AGBL4: variants seen among roughly 807,000 people sequenced by gnomAD.
AGBL4 encodes the protein cytosolic carboxypeptidase 6.
AGBL4 carries 58 observed loss-of-function variants against 66.4 expected under a neutral mutation model. The ratio of observed to expected loss-of-function variants is 0.87; its 90% CI spans 0.71 to 1.09. The LOEUF is 1.09. AGBL4 is among the 50% of genes least tolerant of loss of function. The pLI is 0.00. For synonymous variants in AGBL4, 234 were observed against 222.9 expected (o/e 1.05, Z -0.44); for missense variants, 579 against 631.0 (o/e 0.92, Z 0.88).
intron 3 of AGBL4, among the ~76,000 whole-genome samples, chr1:49,336,980 A>T (rs1189165964): frequency 1.3e-5 from 2 of 152,222 alleles, no homozygotes; most frequent in South Asian, 2.1e-4. Context: ...TATGACTCTC[A>T]ATCTTGAGAT....
At chr1:49,218,669 G>C (rs1444793185) in intron 4 of AGBL4, among the ~76,000 whole-genome samples, 1 of 152,078 alleles carries the variant, frequency 6.6e-6, no homozygotes, top group African/African-American at 2.4e-5. Flanking sequence ...ACTAGATTAA[G>C]TTTAACTGTC....
At chr1:48,691,157 CAAA>C (rs35401645) in intron 6 of AGBL4, among the ~76,000 whole-genome samples, 1 of 84,286 alleles carries the variant, frequency 1.2e-5, no homozygotes. Context: ...GACTCCCTCT[CAAA>C]AAAAAAAAAA....
At chr1:49,103,311 G>A (rs934506602) in intron 4 of AGBL4, among the ~76,000 whole-genome samples, 7 of 152,146 alleles carry the variant, frequency 4.6e-5, no homozygotes, top group East Asian at 1.9e-4. Flanking sequence ...ACAGTCCTGC[G>A]AACATTTCCA....
chr1:49,838,966 A>G (rs72686758), intron 2 of AGBL4, among the ~76,000 whole-genome samples: 9 of 152,318 alleles, frequency 5.9e-5, no homozygotes, highest in Non-Finnish European at 1.2e-4. Flanking sequence ...TGTTTCTCAG[A>G]TTACTTGAAA....
chr1:48,796,363 C>G (rs1380629156), intron 6 of AGBL4, among the ~76,000 whole-genome samples: 1 of 152,196 alleles, frequency 6.6e-6, no homozygotes, highest in Non-Finnish European at 1.5e-5. Context: ...TCTCCAATAT[C>G]TAGCACAGTA....
chr1:49,796,967 C>A (rs1644744865), intron 2 of AGBL4, among the ~76,000 whole-genome samples: 1 of 152,028 alleles, frequency 6.6e-6, no homozygotes, highest in African/African-American at 2.4e-5. Context: ...AAGACTAGAT[C>A]TCACATGAAG....
At chr1:48,892,262 C>T (rs951444895) in intron 5 of AGBL4, among the ~76,000 whole-genome samples, 179 of 152,324 alleles carry the variant, frequency 1.2e-3, no homozygotes, top group African/African-American at 4.1e-3. Context: ...TTCACATTGC[C>T]TTCTTTTAAA....
chr1:49,780,169 A>G (rs972036921), intron 2 of AGBL4, among the ~76,000 whole-genome samples: 1 of 152,216 alleles, frequency 6.6e-6, no homozygotes, highest in African/African-American at 2.4e-5. Context: ...CTGAATCCAC[A>G]TGAAAAAACA....
intron 1 of AGBL4, among the ~76,000 whole-genome samples, chr1:49,978,969 T>C (rs1387072802): frequency 1.3e-5 from 2 of 152,180 alleles, no homozygotes; most frequent in African/African-American, 4.8e-5. Context: ...TTTCAGTAAG[T>C]ATATTGAAAA....
intron 4 of AGBL4, among the ~76,000 whole-genome samples, chr1:49,128,851 A>C (rs1645821288): frequency 6.6e-6 from 1 of 152,062 alleles, no homozygotes; most frequent in Non-Finnish European, 1.5e-5. Context: ...CCTTAAAAGA[A>C]GATAATATGA....
chr1:49,184,252 G>A (rs1167225615), intron 4 of AGBL4, among the ~76,000 whole-genome samples: 2 of 152,022 alleles, frequency 1.3e-5, no homozygotes, highest in South Asian at 4.1e-4. Flanking sequence ...GGTAGAATTG[G>A]GATTTCATAC....
intron 5 of AGBL4, among the ~76,000 whole-genome samples, chr1:49,015,252 T>C (rs1335800296): frequency 6.6e-6 from 1 of 152,014 alleles, no homozygotes; most frequent in East Asian, 1.9e-4. Context: ...ATGCCATACT[T>C]CTTTTCCCCT....
intron 1 of AGBL4, among the ~76,000 whole-genome samples, chr1:49,873,559 C>G (rs1332073393): frequency 6.6e-6 from 1 of 152,092 alleles, no homozygotes; most frequent in Non-Finnish European, 1.5e-5. Context: ...GGTAGCTACT[C>G]TATGTTCACC....
intron 3 of AGBL4, among the ~76,000 whole-genome samples, chr1:49,457,478 A>G (rs1457969315): frequency 6.6e-6 from 1 of 151,928 alleles, no homozygotes; most frequent in Non-Finnish European, 1.5e-5. Flanking sequence ...TTGGATGTAC[A>G]GACTGTGAAC....
At chr1:48,595,780 C>T (rs546337240) in intron 9 of AGBL4, among the ~76,000 whole-genome samples, 53 of 152,340 alleles carry the variant, frequency 3.5e-4, no homozygotes, top group African/African-American at 9.4e-4. Flanking sequence ...TGAGCTGCTA[C>T]CCTGCTTCAT....
At chr1:48,938,659 G>T (rs143286478) in intron 5 of AGBL4, among the ~76,000 whole-genome samples, 19 of 152,252 alleles carry the variant, frequency 1.2e-4, no homozygotes, top group African/African-American at 4.6e-4. Context: ...TCTACATCCC[G>T]AAATAAATTG....
At chr1:49,602,099 C>T (rs990340405) in intron 3 of AGBL4, among the ~76,000 whole-genome samples, 7 of 151,818 alleles carry the variant, frequency 4.6e-5, no homozygotes, top group African/African-American at 1.7e-4. Context: ...ATGAAAAAAG[C>T]TCATCACTGG....
chr1:48,900,636 A>C lies in AGBL4; in HGVS notation c.595-33406T>G, dbSNP rs576288903. On this transcript the variant is annotated intron_variant, in intron 5 of 13. Transcript: ENST00000371839. ...TTGAAAGCAATTCAGTGGAGAAAAAAACAGTTTTTTCAACAAATGGAACTG... is the reference window on the plus strand; with the variant it reads ...TTGAAAGCAATTCAGTGGAGAAAAACACAGTTTTTTCAACAAATGGAACTG... Among the ~76,000 whole-genome samples the C allele has an allele frequency of 2.4e-3, 360 of 152,354 alleles. 3 individuals carry two copies. The highest frequency in any genetic ancestry group is 8.4e-3 in the African/African-American group (348 of 41,586).
chr1:48,959,350 T>C (rs1474125451), intron 5 of AGBL4, among the ~76,000 whole-genome samples: 1 of 152,218 alleles, frequency 6.6e-6, no homozygotes, highest in Admixed American at 6.5e-5. Context: ...TACTAGTAGA[T>C]GCTCAATAAA....
Sources: gnomAD v4.1 joint callset for allele counts (sites outside exome capture counted in the v4.1 genomes callset) on GRCh38, gnomAD v4.1.1 for gene constraint, MANE v1.5 for transcripts, NCBI Gene and HGNC (gene_info 2026-07-23, HGNC 2026-07-21) for gene names.